Variants in ZC3H13 observed in about 807,000 individuals in gnomAD.
ZC3H13 encodes zinc finger CCCH-type containing 13, also known as zinc finger CCCH domain-containing protein 13.
A neutral mutation model predicts 204.1 loss-of-function variants in ZC3H13; 64 were observed. That is an observed-to-expected ratio of 0.31 (90% CI 0.26 to 0.39). ZC3H13 has a LOEUF of 0.39. ZC3H13 is among the 10% of genes least tolerant of loss of function. The pLI is 1.00. For synonymous variants in ZC3H13, 667 were observed against 693.7 expected (o/e 0.96, Z 0.60); for missense variants, 1,833 against 2,082.7 (o/e 0.88, Z 2.33).
intron 9 of ZC3H13, among the ~76,000 whole-genome samples, chr13:45,988,022 T>C (rs1000233024): frequency 1.3e-5 from 2 of 152,180 alleles, no homozygotes; most frequent in African/African-American, 4.8e-5. Context: ...ACCTAGAAAT[T>C]TGATGACTCG....
intron 8 of ZC3H13, among the ~76,000 whole-genome samples, chr13:45,997,905 C>G (rs1238140122): frequency 6.6e-6 from 1 of 151,940 alleles, no homozygotes; most frequent in East Asian, 1.9e-4. Flanking sequence ...ACACACACAC[C>G]CCATCACTAT....
At chr13:45,976,081 C>A in intron 11 of ZC3H13, 1 of 774,834 alleles carries the variant, frequency 1.3e-6, no homozygotes, top group African/African-American at 1.9e-5. Flanking sequence ...CAACCCCCTT[C>A]CCCCCTCCCA....
intron 6 of ZC3H13, 133 bp from the exon 7 acceptor site, chr13:46,010,638 G>T: frequency 2.3e-6 from 2 of 856,740 alleles, no homozygotes; most frequent in Non-Finnish European, 3.4e-6. Flanking sequence ...GTTCACACCT[G>T]TAATCCCAGT....
intron 11 of ZC3H13, among the ~76,000 whole-genome samples, chr13:45,979,295 A>G (rs1269904947): frequency 2.6e-5 from 4 of 152,152 alleles, no homozygotes; most frequent in African/African-American, 9.7e-5. Flanking sequence ...ACATATAAGA[A>G]CGTAAAATTA....
At chr13:45,984,864 G>T (rs1345362463) in intron 10 of ZC3H13, among the ~76,000 whole-genome samples, 1 of 152,186 alleles carries the variant, frequency 6.6e-6, no homozygotes. Flanking sequence ...GTTTGACAGG[G>T]TCTGAAGCAA....
chr13:45,980,707 AT>A (rs1469613043), intron 10 of ZC3H13, among the ~76,000 whole-genome samples: 1 of 152,216 alleles, frequency 6.6e-6, no homozygotes, highest in African/African-American at 2.4e-5. Flanking sequence ...TTACGAGACA[AT>A]TACAAAACAA....
chr13:46,026,666 C>T (rs2138907050), intron 4 of ZC3H13, among the ~76,000 whole-genome samples: 1 of 151,942 alleles, frequency 6.6e-6, no homozygotes, highest in East Asian at 1.9e-4. Flanking sequence ...AACAAAAGGC[C>T]CTCCAACCTG....
At chr13:46,016,355 T>G (rs1002273934) in intron 5 of ZC3H13, among the ~76,000 whole-genome samples, 1 of 152,130 alleles carries the variant, frequency 6.6e-6, no homozygotes, top group Non-Finnish European at 1.5e-5. Flanking sequence ...TAGACTAAAT[T>G]ATGGCATATT....
intron 10 of ZC3H13, among the ~76,000 whole-genome samples, chr13:45,984,932 C>T (rs141444948): frequency 1.7e-3 from 264 of 152,182 alleles, no homozygotes; most frequent in African/African-American, 5.9e-3. Flanking sequence ...ATTCTGAAAA[C>T]CCACCACTTT....
intron 17 of ZC3H13, chr13:45,963,407 A>G: frequency 1.0e-6 from 1 of 991,952 alleles, no homozygotes; most frequent in Non-Finnish European, 1.2e-6. Flanking sequence ...CTTTGATATT[A>G]GAACTTATTG....
chr13:45,968,048 TA>T lies in ZC3H13; in HGVS notation c.3797-21del. The T allele has an allele frequency of 1.3e-6, 2 of 1,540,894 alleles. No homozygotes were observed. Among genetic ancestry groups the T allele is most frequent in the Non-Finnish European group, 8.7e-7 (1 of 1,149,908 alleles). On this transcript the variant is annotated intron_variant, in intron 14 of 18. Transcript: ENST00000679008. ...GGCGATCTAAAATAAATATACCATA[TA>T]TAAAGAGTTATTAGCACATGATAAA...
chr13:46,014,354 C>A (rs1444669272), intron 5 of ZC3H13, among the ~76,000 whole-genome samples: 1 of 152,052 alleles, frequency 6.6e-6, no homozygotes, highest in East Asian at 1.9e-4. Flanking sequence ...CCTCCCCTCA[C>A]CCCCCATCCC....
At chr13:46,009,616 T>A (rs919188760) in intron 7 of ZC3H13, among the ~76,000 whole-genome samples, 1 of 151,986 alleles carries the variant, frequency 6.6e-6, no homozygotes, top group African/African-American at 2.4e-5. Context: ...TCATTTTTTT[T>A]AAGATAAAAT....
chr13:45,993,543 CAG>C (rs1225782857), intron 8 of ZC3H13, among the ~76,000 whole-genome samples: 2 of 152,178 alleles, frequency 1.3e-5, no homozygotes, highest in African/African-American at 4.8e-5. Context: ...AGAAAGCAGG[CAG>C]AGCCAGATGT....
At chr13:45,985,922 A>G (rs949536878) in intron 9 of ZC3H13, among the ~76,000 whole-genome samples, 161 bp from the exon 10 acceptor site, 1 of 152,178 alleles carries the variant, frequency 6.6e-6, no homozygotes. Context: ...TTAACACCTG[A>G]TAAGAATGTT....
At chr13:45,982,063 GA>G (rs1282020860) in intron 10 of ZC3H13, among the ~76,000 whole-genome samples, 4 of 149,686 alleles carry the variant, frequency 2.7e-5, no homozygotes, top group Non-Finnish European at 5.9e-5. Context: ...AAATAAAAAA[GA>G]AAAAAAAGAA....
chr13:45,985,306 G>A lies in ZC3H13; in HGVS notation c.1711C>T (p.Pro571Ser). Residue 571 changes from proline to serine, a missense_variant, in exon 10 of 19, where the codon CCT becomes TCT. Physicochemically the swap from Pro to Ser is moderately conservative, Grantham distance 74. Transcript: ENST00000679008. The stretch of plus-strand genomic sequence containing the variant: ...AAGTCAAAAACCTTACCCTTTTCAG[G>A]TAACTCAGGAACCCTCCCCCTACTT... ...GRSRGRVPEL[P>S]EKGSRGSRGS... The A allele has an allele frequency of 6.2e-7, 1 of 1,610,780 alleles. No individual in the cohort carries two copies. The highest frequency in any genetic ancestry group is 8.5e-7 in the Non-Finnish European group (1 of 1,178,522).
chr13:45,975,951 A>G, intron 11 of ZC3H13, 113 bp from the exon 12 acceptor site: 1 of 1,429,872 alleles, frequency 7.0e-7, no homozygotes, highest in East Asian at 2.4e-5. Context: ...GCAACAAATT[A>G]CAAACCAAGT....
chr13:46,037,894 G>A (rs1271825368), intron 4 of ZC3H13, among the ~76,000 whole-genome samples: 1 of 152,038 alleles, frequency 6.6e-6, no homozygotes, highest in East Asian at 1.9e-4. Flanking sequence ...TTCATACTAA[G>A]TCTCTGAAAT....
Sources: gnomAD v4.1 joint callset for allele counts (sites outside exome capture counted in the v4.1 genomes callset) on GRCh38, gnomAD v4.1.1 for gene constraint, MANE v1.5 for transcripts, NCBI Gene and HGNC (gene_info 2026-07-23, HGNC 2026-07-21) for gene names.